The following PRKN variants were observed in gnomAD, a reference collection of about 807,000 sequenced individuals.
PRKN encodes the protein E3 ubiquitin-protein ligase parkin.
Under a neutral mutation model 59.5 loss-of-function variants are expected in PRKN, and 56 were observed. The observed-to-expected ratio is 0.94, with a 90% CI of 0.76 to 1.18. The LOEUF is 1.18. Ranked by LOEUF, PRKN falls within the 50% of genes most tolerant of loss-of-function variation. The pLI is 0.00. For synonymous variants in PRKN, 250 were observed against 222.1 expected (o/e 1.13, Z -1.12); for missense variants, 657 against 596.4 (o/e 1.10, Z -1.06).
intron 1 of PRKN, among the ~76,000 whole-genome samples, chr6:162,597,269 T>C (rs1279255702): frequency 6.6e-6 from 1 of 152,218 alleles, no homozygotes; most frequent in East Asian, 1.9e-4. Flanking sequence ...ACAGGGCTAC[T>C]AGGCATTTTC....
chr6:162,602,534 T>A (rs1273911530), intron 1 of PRKN, among the ~76,000 whole-genome samples: 1 of 152,116 alleles, frequency 6.6e-6, no homozygotes, highest in Non-Finnish European at 1.5e-5. Flanking sequence ...TTTGGAATCA[T>A]CATTCTCACT....
At chr6:162,249,444 C>T (rs759649901) in intron 3 of PRKN, among the ~76,000 whole-genome samples, 1 of 152,130 alleles carries the variant, frequency 6.6e-6, no homozygotes, top group Non-Finnish European at 1.5e-5. Flanking sequence ...TGACGAGACA[C>T]GTAGCTAGTG....
intron 5 of PRKN, among the ~76,000 whole-genome samples, chr6:162,010,505 T>C (rs1419367183): frequency 6.3e-4 from 23 of 36,276 alleles, no homozygotes; most frequent in Non-Finnish European, 7.5e-4. Context: ...TTATATAATA[T>C]ATTATATTAT....
intron 7 of PRKN, among the ~76,000 whole-genome samples, chr6:161,661,713 C>T (rs547410275): frequency 3.9e-5 from 6 of 152,278 alleles, no homozygotes; most frequent in South Asian, 2.1e-4. Flanking sequence ...CTGAAAGATA[C>T]GTATTGAATA....
Position 161,467,666 on chromosome 6 carries a change from C to T in PRKN, c.1084-80789G>A, listed in dbSNP as rs967515686. On this transcript the variant is annotated intron_variant, in intron 9 of 11. Coordinates refer to ENST00000366898, the MANE Select transcript of PRKN (RefSeq NM_004562.3). The surrounding 1 kb of genome is among the most constrained non-coding windows in gnomAD (Gnocchi z 4.3). The stretch of plus-strand genomic sequence containing the variant: ...AGGAGTCTCAAAGGATGTGCAGGAG[C>T]GACAGAGGCTGCAAATGCCTGCCCA... Among the ~76,000 whole-genome samples, 5 of 152,126 alleles carry T rather than the reference C, an allele frequency of 3.3e-5. No homozygotes were observed. The highest frequency in any genetic ancestry group is 1.9e-4 in the East Asian group (1 of 5,196).
chr6:161,854,086 A>AAAT (rs1562338632), intron 6 of PRKN, among the ~76,000 whole-genome samples: 1 of 144,782 alleles, frequency 6.9e-6, no homozygotes. Flanking sequence ...TTTCTACATA[A>AAAT]AAAAAAAAAA....
At position 162,084,230 on chromosome 6, in the gene PRKN, C is replaced by T. The variant is rs149007295; in HGVS notation, c.535-30056G>A. On this transcript the variant is annotated intron_variant, in intron 4 of 11. Transcript: ENST00000366898. ...CCATTAAAAGCAATAGCAAAACCTGCGATTACTTTTGCACCAAACCAATGT... is the reference window on the plus strand; with the variant it reads ...CCATTAAAAGCAATAGCAAAACCTGTGATTACTTTTGCACCAAACCAATGT... 2.6e-3 allele frequency among the ~76,000 whole-genome samples: 402 copies of T among 152,166 alleles called. 8 individuals are homozygous for T. Among genetic ancestry groups the T allele is most frequent in the African/African-American group, 9.0e-3 (372 of 41,472 alleles).
At chr6:162,447,955 T>C (rs1448284410) in intron 1 of PRKN, among the ~76,000 whole-genome samples, 1 of 152,182 alleles carries the variant, frequency 6.6e-6, no homozygotes, top group Non-Finnish European at 1.5e-5. Context: ...TATCCAGAAC[T>C]GTCAAAGGTT....
At chr6:161,398,747 A>G (rs890405690) in intron 9 of PRKN, among the ~76,000 whole-genome samples, 1 of 152,154 alleles carries the variant, frequency 6.6e-6, no homozygotes, top group Non-Finnish European at 1.5e-5. Context: ...GGCCTCACAG[A>G]GTTCACAGTC....
chr6:161,963,744 T>C (rs185404071), intron 6 of PRKN, among the ~76,000 whole-genome samples: 2 of 152,386 alleles, frequency 1.3e-5, no homozygotes, highest in Admixed American at 1.3e-4. Flanking sequence ...ATAGTTTGCT[T>C]TCTGTTTGTT....
At chr6:162,405,272 CAA>C (rs1427915657) in intron 2 of PRKN, among the ~76,000 whole-genome samples, 1 of 152,090 alleles carries the variant, frequency 6.6e-6, no homozygotes, top group African/African-American at 2.4e-5. Context: ...GCAGATCTTA[CAA>C]AAGAGAAACA....
chr6:162,015,574 T>C (rs946701551), intron 5 of PRKN, among the ~76,000 whole-genome samples: 1 of 129,776 alleles, frequency 7.7e-6, no homozygotes, highest in African/African-American at 2.9e-5. Flanking sequence ...TGCTGAATCC[T>C]GTTTTCAATG....
chr6:162,252,259 T>G (rs1361132324), intron 3 of PRKN, among the ~76,000 whole-genome samples: 1 of 152,186 alleles, frequency 6.6e-6, no homozygotes, highest in Non-Finnish European at 1.5e-5. Context: ...GATACATCAC[T>G]GTATTGGGGG....
chr6:161,523,611 A>G (rs1778915916), intron 9 of PRKN, among the ~76,000 whole-genome samples: 1 of 152,250 alleles, frequency 6.6e-6, no homozygotes, highest in Non-Finnish European at 1.5e-5. Context: ...GTGACAGCTC[A>G]TAAGGCTATC....
At chr6:162,509,638 A>T (rs1777504616) in intron 1 of PRKN, among the ~76,000 whole-genome samples, 2 of 152,206 alleles carry the variant, frequency 1.3e-5, no homozygotes. Context: ...CCATCCTGGG[A>T]TAGAAAAGTT....
intron 3 of PRKN, among the ~76,000 whole-genome samples, chr6:162,207,517 C>A (rs1467440091): frequency 6.6e-6 from 1 of 152,188 alleles, no homozygotes; most frequent in African/African-American, 2.4e-5. Flanking sequence ...ACAGTCAGCA[C>A]TCTCTGGAAA....
intron 1 of PRKN, among the ~76,000 whole-genome samples, chr6:162,622,722 C>G (rs1782725785): frequency 6.6e-6 from 1 of 152,146 alleles, no homozygotes; most frequent in South Asian, 2.1e-4. Context: ...CTGTGAAATA[C>G]ATGATCCCAA....
intron 7 of PRKN, among the ~76,000 whole-genome samples, chr6:161,647,360 T>G (rs1783995108): frequency 6.6e-6 from 1 of 152,244 alleles, no homozygotes; most frequent in South Asian, 2.1e-4. Context: ...CGTGGCTCTC[T>G]GCCCCTGCTC....
At chr6:161,672,167 GCA>G (rs773515476) in intron 7 of PRKN, among the ~76,000 whole-genome samples, 81 of 152,258 alleles carry the variant, frequency 5.3e-4, no homozygotes, top group Middle Eastern at 3.4e-3. Context: ...ACTCTAGGCA[GCA>G]CAGTCTGATT....
Sources: allele counts gnomAD v4.1 joint callset (sites outside exome capture counted in the v4.1 genomes callset), GRCh38; gene constraint gnomAD v4.1.1; non-coding constraint Gnocchi (gnomAD v3.1); transcripts MANE v1.5; gene names NCBI Gene and HGNC (gene_info 2026-07-23, HGNC 2026-07-21).